Variants in PRCD observed in about 807,000 individuals in gnomAD.
PRCD encodes the protein photoreceptor disk component PRCD.
Under a neutral mutation model 10.1 loss-of-function variants are expected in PRCD, and 12 were observed. The ratio of observed to expected loss-of-function variants is 1.18; its 90% CI spans 0.76 to 1.92. PRCD has a LOEUF of 1.92. Ranked by LOEUF, PRCD falls within the 40% of genes most tolerant of loss-of-function variation. The pLI, the probability that PRCD is intolerant of heterozygous loss-of-function variation, is 0.00. For missense variants in PRCD, 61 were observed against 72.2 expected (o/e 0.84, Z 0.56); for synonymous variants, 31 against 26.2 (o/e 1.18, Z -0.56).
At chr17:76,553,571 G>C (rs2075131030) in exon 2 of PRCD, 1 of 152,220 alleles carries the variant, frequency 6.6e-6, no homozygotes, top group South Asian at 2.1e-4. Flanking sequence ...TTTCTGGGTA[G>C]AGAAATTAAC....
Position 76,530,432 on chromosome 17 carries a change from G to A in PRCD, n.45+2599G>A, listed in dbSNP as rs2074822704. On this transcript the variant is annotated intron_variant and non_coding_transcript_variant, in intron 1 of 4. Transcript: ENST00000397633. The surrounding 1 kb of genome is among the most constrained non-coding windows in gnomAD (Gnocchi z 6.1). ...CCTGGAAGTAAACATGCCCCTGCTC[G>A]TGTGCGTGTGAGCGACACCCATGTA... Among the ~76,000 whole-genome samples the A allele has an allele frequency of 6.6e-6, 1 of 152,192 alleles. No homozygotes were observed. The highest frequency in any genetic ancestry group is 2.4e-5 in the African/African-American group (1 of 41,452).
rs1026723157 is a variant in PRCD at position 76,530,082 on chromosome 17, C to A, written n.45+2249C>A. 5.1e-6 allele frequency: 5 copies of A among 983,794 alleles called. No homozygotes were observed. The African/African-American group carries it at 8.7e-5, about 17-fold the overall frequency. The allele number at this position is 983,794 out of a possible 1,614,324, so 60.9% of individuals were successfully genotyped here. A position where few individuals can be genotyped will look rare whatever the true frequency, so the allele number is the denominator to read the frequency against. On this transcript the variant is annotated intron_variant and non_coding_transcript_variant, in intron 1 of 4. Coordinates refer to the PRCD transcript ENST00000397633. The surrounding 1 kb of genome is among the most constrained non-coding windows in gnomAD (Gnocchi z 6.1). ...TGCAGAGCCCGGCGGGAGACGCCGCCTTTTCCATGGGAAACTGCTGGGAAT... is the reference window on the plus strand; with the variant it reads ...TGCAGAGCCCGGCGGGAGACGCCGCATTTTCCATGGGAAACTGCTGGGAAT...
In PRCD at chr17:76,528,975, G is replaced by T; in HGVS notation, n.45+1142G>T. On this transcript the variant is annotated intron_variant and non_coding_transcript_variant, in intron 1 of 4. Transcript: ENST00000397633. This position sits in a 1 kb window ranked among gnomAD's most constrained non-coding sequence, Gnocchi z 5.8. ...TGGCGCATTCTGTCCGGCCTGTCTC[G>T]TCCCTCCTCGGGCCACCCATCTGTA... 2 of 1,026,784 alleles carry T rather than the reference G, an allele frequency of 1.9e-6. No individual in the cohort carries two copies. Among genetic ancestry groups the T allele is most frequent in the Non-Finnish European group, 2.3e-6 (2 of 857,484 alleles). The allele number at this position is 1,026,784 out of a possible 1,614,324, so 63.6% of individuals were successfully genotyped here.
At position 76,544,134 on chromosome 17, in the gene PRCD, C is replaced by T. The variant is rs1205032795; in HGVS notation, c.*484C>T. 2 of 454,608 alleles carry T rather than the reference C, an allele frequency of 4.4e-6. No homozygotes were observed. The highest frequency in any genetic ancestry group is 1.4e-4 in the East Asian group (2 of 14,388). 28.2% of individuals were successfully genotyped at this position (454,608 alleles called of 1,614,324 possible). A position where few individuals can be genotyped will look rare whatever the true frequency, so the allele number is the denominator to read the frequency against. On this transcript the variant is annotated 3_prime_UTR_variant, in exon 5 of 5. Coordinates refer to ENST00000592014, the MANE Select transcript of PRCD (RefSeq NM_001077620.3). Reference sequence around the variant, plus strand: ...AGATTTCCGCTTCTGCTCCCAGATCCAGGAGCAGACCCTGCAGGCAGCTGC... The same window carrying T: ...AGATTTCCGCTTCTGCTCCCAGATCTAGGAGCAGACCCTGCAGGCAGCTGC...
intron 1 of PRCD, chr17:76,527,907 G>C (rs1420773699): frequency 4.7e-6 from 2 of 424,588 alleles, no homozygotes; most frequent in Non-Finnish European, 9.6e-6. Context: ...GGAATGTGGG[G>C]AGCTGGTCTG....
rs941642570 is a variant in PRCD, at chr17:76,528,120, GTA to G, written n.45+297_45+298del. ...ATACACATTCTAGATATGTATGTGT[GTA>G]TATATATATGTATATATATATTTAT... On this transcript the variant is annotated intron_variant and non_coding_transcript_variant, in intron 1 of 4. Transcript: ENST00000397633. The surrounding 1 kb of genome is among the most constrained non-coding windows in gnomAD (Gnocchi z 5.8). 3.6e-5 allele frequency: 14 copies of G among 387,426 alleles called. No homozygotes were observed. Among genetic ancestry groups the G allele is most frequent in the East Asian group, 4.4e-5 (1 of 22,964 alleles). 24.0% of individuals were successfully genotyped at this position (387,426 alleles called of 1,614,324 possible).
rs541445094 is a variant in PRCD, at chr17:76,543,915, C to T, written c.*265C>T. ...TGGATGGGAGCAACGGACAGCTTGTCCTCCGAATGTGTTTTCTGTATGTGT... is the reference window on the plus strand; with the variant it reads ...TGGATGGGAGCAACGGACAGCTTGTTCTCCGAATGTGTTTTCTGTATGTGT... On this transcript the variant is annotated 3_prime_UTR_variant, in exon 5 of 5. Transcript: ENST00000592014. 585 of 470,786 alleles carry T rather than the reference C, an allele frequency of 1.2e-3. No homozygotes were observed. The highest frequency in any genetic ancestry group is 2.1e-3 in the Non-Finnish European group (484 of 227,064). 29.2% of individuals were successfully genotyped at this position (470,786 alleles called of 1,614,324 possible).
intron 1 of PRCD, chr17:76,529,327 G>A (rs1021820396): frequency 7.1e-6 from 7 of 985,332 alleles, no homozygotes; most frequent in Non-Finnish European, 7.2e-6. Context: ...CCCCCATGGG[G>A]TGCCAGTTTC....
chr17:76,529,887 T>C, intron 1 of PRCD: 2 of 984,996 alleles, frequency 2.0e-6, no homozygotes, highest in Non-Finnish European at 2.4e-6. Context: ...AGGACTCCAC[T>C]CTCTTGGGGT....
At position 76,531,623 on chromosome 17, in the gene PRCD, T is replaced by A; in HGVS notation, n.45+3790T>A. ...CCGCAGCTGGGGGCTCCGCTCCATC[T>A]CCAGGGGATCCTCCATGTGCTTGAA... On this transcript the variant is annotated intron_variant and non_coding_transcript_variant, in intron 1 of 4. Coordinates refer to the PRCD transcript ENST00000397633. The surrounding 1 kb of genome is among the most constrained non-coding windows in gnomAD (Gnocchi z 7.4). 2 of 1,613,068 alleles carry A rather than the reference T, an allele frequency of 1.2e-6. No homozygotes were observed. Among genetic ancestry groups the A allele is most frequent in the Non-Finnish European group, 1.7e-6 (2 of 1,179,076 alleles).
rs756335948 is a variant in PRCD, at chr17:76,544,228, C to T, written c.*578C>T. On this transcript the variant is annotated 3_prime_UTR_variant, in exon 5 of 5. Coordinates refer to ENST00000592014, the MANE Select transcript of PRCD (RefSeq NM_001077620.3). Reference sequence around the variant, plus strand: ...CTCTGTGCACACGCGTCTCTCCTCCCCAGCCAGCCCCCCTCCCAGCCCAGC... The same window carrying T: ...CTCTGTGCACACGCGTCTCTCCTCCTCAGCCAGCCCCCCTCCCAGCCCAGC... 3.7e-5 allele frequency: 17 copies of T among 454,422 alleles called. 1 individual carries two copies. Among genetic ancestry groups the T allele is most frequent in the South Asian group, 2.6e-4 (17 of 64,482 alleles). The allele number at this position is 454,422 out of a possible 1,614,324, so 28.1% of individuals were successfully genotyped here.
At chr17:76,527,681 G>C (rs368573867), upstream of PRCD, 1 of 453,994 alleles carries the variant, frequency 2.2e-6, no homozygotes, top group East Asian at 7.0e-5. Flanking sequence ...TGGTCCCGCC[G>C]ACCTGCTGCC....
upstream of PRCD, chr17:76,537,752 G>T: frequency 4.9e-6 from 1 of 203,358 alleles, no homozygotes; most frequent in South Asian, 1.6e-4. Flanking sequence ...CGGGGGGCGG[G>T]GGACAGCCAG....
chr17:76,537,586 G>GGCGGGGC (rs747063204), upstream of PRCD: 995 of 1,208,488 alleles, frequency 8.2e-4, 1 homozygote, highest in African/African-American at 3.8e-3. Flanking sequence ...CGGCGGCGGT[G>GGCGGGGC]GCGGGGCGCG....
Position 76,542,542 on chromosome 17 carries a change from C to T in PRCD, c.144-11C>T. The stretch of plus-strand genomic sequence containing the variant: ...CCTTCAATCCTGACCCCAGTGCTTT[C>T]CTCTGTTTAGGGAGAAAGAACCTCT... On this transcript the variant is annotated splice_polypyrimidine_tract_variant and intron_variant, in intron 2 of 4. Coordinates refer to ENST00000592014, the MANE Select transcript of PRCD (RefSeq NM_001077620.3). 6.2e-7 allele frequency: 1 copy of T among 1,614,212 alleles called. No homozygotes were observed. Among genetic ancestry groups the T allele is most frequent in the South Asian group, 1.1e-5 (1 of 91,084 alleles).
In PRCD at chr17:76,544,332, C is replaced by T. The variant is rs1007692136; in HGVS notation, c.*682C>T. The T allele has an allele frequency of 2.2e-6, 1 of 454,356 alleles. No individual in the cohort carries two copies. Among genetic ancestry groups the T allele is most frequent in the Non-Finnish European group, 4.4e-6 (1 of 226,840 alleles). The allele number at this position is 454,356 out of a possible 1,614,324, so 28.1% of individuals were successfully genotyped here. On this transcript the variant is annotated 3_prime_UTR_variant, in exon 5 of 5. Transcript: ENST00000592014. ...TGGAGTTCTCTAGACAGCAGCACTT[C>T]AGCCGCCACTCTGCCTCTGAAGGGA...
chr17:76,545,132 C>T lies in PRCD; in HGVS notation c.*1482C>T, dbSNP rs1322981400. 1 of 456,618 alleles carries T rather than the reference C, an allele frequency of 2.2e-6. No homozygotes were observed. Among genetic ancestry groups the T allele is most frequent in the Non-Finnish European group, 4.4e-6 (1 of 226,968 alleles). The allele number at this position is 456,618 out of a possible 1,614,324, so 28.3% of individuals were successfully genotyped here. ...ATTGTGTTTACACCTTCCCCGCACA[C>T]CCAGCCCACGCTCGCCTCTTATTCC... On this transcript the variant is annotated 3_prime_UTR_variant, in exon 5 of 5. Transcript: ENST00000592014.
chr17:76,537,585 T>C (rs1246114794), upstream of PRCD: 3 of 1,223,050 alleles, frequency 2.5e-6, no homozygotes, highest in Non-Finnish European at 3.1e-6. Context: ...GCGGCGGCGG[T>C]GGCGGGGCGC....
intron 1 of PRCD, chr17:76,529,336 T>A: frequency 1.0e-6 from 1 of 985,406 alleles, no homozygotes; most frequent in Non-Finnish European, 1.2e-6. Context: ...GGTGCCAGTT[T>A]CCACGGTAGC....
Sources: allele counts gnomAD v4.1 joint callset (sites outside exome capture counted in the v4.1 genomes callset), GRCh38; gene constraint gnomAD v4.1.1; non-coding constraint Gnocchi (gnomAD v3.1); transcripts MANE v1.5; gene names NCBI Gene and HGNC (gene_info 2026-07-23, HGNC 2026-07-21).